The following MCTP2 variants were observed in gnomAD, a reference collection of about 807,000 sequenced individuals.
The protein encoded by MCTP2 is multiple C2 and transmembrane domain containing 2, also known as multiple C2 and transmembrane domain-containing protein 2.
Under a neutral mutation model 111.6 loss-of-function variants are expected in MCTP2, and 132 were observed. The ratio of observed to expected loss-of-function variants is 1.18; its 90% confidence interval spans 1.03 to 1.37. The LOEUF (loss-of-function observed/expected upper bound fraction) is 1.37, where lower values mean the gene tolerates loss of function less well. MCTP2 is among the 40% of genes most tolerant of loss of function. The pLI is 0.00. For missense variants in MCTP2, 1,183 were observed against 1,067.9 expected, an observed-to-expected ratio of 1.11 and a Z score of -1.50; for synonymous variants, 395 against 387.7, an observed-to-expected ratio of 1.02 and a Z score of -0.22.
intron 14 of MCTP2, among the ~76,000 whole-genome samples, chr15:94,387,128 TCCTTCCTCCTTCCCC>T (rs943116302): frequency 2.6e-5 from 4 of 151,806 alleles, no homozygotes; most frequent in Non-Finnish European, 5.9e-5. Context: ...TCCTCCTTCC[TCCTTCCTCCTTCCCC>T]CCTTCCTCCT....
At chr15:94,445,556 C>T (rs569442054) in intron 19 of MCTP2, among the ~76,000 whole-genome samples, 1 of 152,108 alleles carries the variant, frequency 6.6e-6, no homozygotes, top group East Asian at 1.9e-4. Flanking sequence ...TTTTTGAGTG[C>T]ACATACACAT....
At chr15:94,466,901 T>A (rs918387045) in intron 20 of MCTP2, among the ~76,000 whole-genome samples, 46 of 152,134 alleles carry the variant, frequency 3.0e-4, no homozygotes, top group Non-Finnish European at 7.3e-5. Context: ...TCTATTCCTT[T>A]TTAAAAAGTA....
At chr15:94,415,373 G>A (rs765680544) in intron 17 of MCTP2, among the ~76,000 whole-genome samples, 4 of 152,000 alleles carry the variant, frequency 2.6e-5, no homozygotes, top group Admixed American at 6.6e-5. Context: ...AATAAGAGAT[G>A]TTATTTACCG....
At chr15:94,354,782 C>T (rs575121864) in intron 8 of MCTP2, among the ~76,000 whole-genome samples, 3 of 152,108 alleles carry the variant, frequency 2.0e-5, no homozygotes, top group South Asian at 2.1e-4. Context: ...GGCCTGGGTT[C>T]GATGAGGTAA....
chr15:94,340,131 T>C, intron 5 of MCTP2, 68 bp from the exon 6 acceptor site: 1 of 1,049,844 alleles, frequency 9.5e-7, no homozygotes, highest in Non-Finnish European at 1.5e-6. Flanking sequence ...ATTGCATTTG[T>C]TAATAATTTG....
chr15:94,372,311 G>A (rs55813217), intron 12 of MCTP2, among the ~76,000 whole-genome samples: 4,883 of 152,222 alleles, frequency 0.032, 245 homozygotes, highest in African/African-American at 0.11. Flanking sequence ...AATGGTCTTC[G>A]TTTTTAGAAC....
chr15:94,474,398 C>T (rs7177198), intron 21 of MCTP2, among the ~76,000 whole-genome samples: 1 of 151,910 alleles, frequency 6.6e-6, no homozygotes, highest in African/African-American at 2.4e-5. Context: ...CTCCCATCTA[C>T]CCAAGAAACT....
In MCTP2 at chr15:94,251,567, C is replaced by A. The variant is rs950502498; in HGVS notation, c.-66+19903C>A. On this transcript the variant is annotated intron_variant, in intron 1 of 22. Transcript: ENST00000357742. ...AGAGACGGGGTTTCTCCATGTCAGTCAGGCTGGTGTCGAACTCCCGACGTC... is the reference window on the plus strand; with the variant it reads ...AGAGACGGGGTTTCTCCATGTCAGTAAGGCTGGTGTCGAACTCCCGACGTC... Among the ~76,000 whole-genome samples the A allele has an allele frequency of 3.3e-5, 5 of 152,132 alleles. 1 individual carries two copies. The South Asian group carries it at 1.0e-3, about 32-fold the overall frequency.
At chr15:94,404,304 GTT>G (rs796532680) in intron 17 of MCTP2, among the ~76,000 whole-genome samples, 6,052 of 136,830 alleles carry the variant, frequency 0.044, 220 homozygotes, top group African/African-American at 0.15. Flanking sequence ...ATTTTTTATT[GTT>G]TTTTTTTTTT....
chr15:94,318,561 C>G (rs1433973312), intron 4 of MCTP2, among the ~76,000 whole-genome samples: 1 of 152,190 alleles, frequency 6.6e-6, no homozygotes, highest in Non-Finnish European at 1.5e-5. Context: ...GTGTGAGCCA[C>G]CACGCCCGGC....
Position 94,344,159 on chromosome 15 carries a change from G to T in MCTP2, c.970-970G>T, listed in dbSNP as rs575569558. The T allele has an allele frequency of 3.3e-5, 5 of 152,070 alleles. No homozygotes were observed. The East Asian group carries it at 9.7e-4, about 29-fold the overall frequency. 9.4% of individuals were successfully genotyped at this position (152,070 alleles called of 1,614,324 possible). A position where few individuals can be genotyped will look rare whatever the true frequency, so the allele number is the denominator to read the frequency against. On this transcript the variant is annotated intron_variant, in intron 7 of 22. Transcript: ENST00000357742. ...TGTTGAACTCCCAATATCACTGGGG[G>T]ACATGTAATTAATGAAGAATATTTT... is the stretch of plus-strand genomic sequence containing the variant.
At chr15:94,468,494 T>C (rs2073610318) in intron 20 of MCTP2, among the ~76,000 whole-genome samples, 1 of 151,782 alleles carries the variant, frequency 6.6e-6, no homozygotes, top group Non-Finnish European at 1.5e-5. Flanking sequence ...AAAAAAAAGG[T>C]TAGAAATCAT....
chr15:94,425,130 C>T (rs531225021), intron 17 of MCTP2, among the ~76,000 whole-genome samples: 40 of 152,212 alleles, frequency 2.6e-4, no homozygotes, highest in African/African-American at 9.4e-4. Context: ...TTTTAAATTA[C>T]ATCTTTAAAT....
chr15:94,247,210 T>C (rs1201386020), intron 1 of MCTP2, among the ~76,000 whole-genome samples: 1 of 152,128 alleles, frequency 6.6e-6, no homozygotes, highest in Non-Finnish European at 1.5e-5. Flanking sequence ...TCTCCTTTGA[T>C]TGAGACATTT....
intron 1 of MCTP2, among the ~76,000 whole-genome samples, chr15:94,261,840 C>T (rs1308087493): frequency 6.6e-6 from 1 of 152,130 alleles, no homozygotes; most frequent in Admixed American, 6.5e-5. Context: ...ATTTAAAACT[C>T]GTGAACTGAA....
chr15:94,244,374 A>C (rs2152242886), intron 1 of MCTP2, among the ~76,000 whole-genome samples: 1 of 149,876 alleles, frequency 6.7e-6, no homozygotes, highest in East Asian at 2.0e-4. Context: ...ATATATACGT[A>C]TATGTATACA....
chr15:94,364,624 CAAA>C (rs2079095046), intron 10 of MCTP2, among the ~76,000 whole-genome samples: 4 of 152,020 alleles, frequency 2.6e-5, no homozygotes, highest in Admixed American at 2.6e-4. Flanking sequence ...GAAAAAAACA[CAAA>C]AAGCCATTTT....
intron 12 of MCTP2, among the ~76,000 whole-genome samples, chr15:94,379,064 T>TTG (rs1214580205): frequency 2.0e-5 from 3 of 149,970 alleles, no homozygotes; most frequent in African/African-American, 7.6e-5. Flanking sequence ...TAGTTTTTTG[T>TTG]TTTTTGTTTT....
At chr15:94,304,785 C>T (rs962037025) in intron 2 of MCTP2, among the ~76,000 whole-genome samples, 1 of 152,128 alleles carries the variant, frequency 6.6e-6, no homozygotes, top group Non-Finnish European at 1.5e-5. Flanking sequence ...ACTTTGTCTA[C>T]TAGGGCCACC....
Sources: allele counts gnomAD v4.1 joint callset (sites outside exome capture counted in the v4.1 genomes callset), GRCh38; gene constraint gnomAD v4.1.1; transcripts MANE v1.5; gene names NCBI Gene and HGNC (gene_info 2026-07-23, HGNC 2026-07-21).